AXIN1: variants seen among roughly 807,000 people sequenced by gnomAD.
AXIN1 encodes axin-1.
In AXIN1, 30 loss-of-function variants were observed where a neutral mutation model predicts 76.4. That is an observed-to-expected ratio of 0.39 (90% CI 0.29 to 0.53). AXIN1 has a LOEUF of 0.53. Among genes scored for constraint, AXIN1 ranks in the 20% least tolerant of loss-of-function variants. The pLI is 0.66. For synonymous variants in AXIN1, 545 were observed against 501.4 expected (o/e 1.09, Z -1.16); for missense variants, 1,140 against 1,198.8 (o/e 0.95, Z 0.72).
intron 10 of AXIN1, 35 bp downstream of exon 10, chr16:289,405 G>A (rs201492076): frequency 2.7e-5 from 43 of 1,611,766 alleles, no homozygotes; most frequent in East Asian, 8.9e-5. Flanking sequence ...CCACATACTC[G>A]TGCGGGGAGG....
chr16:350,196 C>T (rs1037979623), intron 1 of AXIN1, among the ~76,000 whole-genome samples: 3 of 152,176 alleles, frequency 2.0e-5, no homozygotes, highest in South Asian at 4.1e-4. Flanking sequence ...TTTTTGGTGT[C>T]CCTGGAAGCA....
rs565808005 is a variant in AXIN1, at chr16:303,542, G to A, written c.1254+762C>T. The stretch of plus-strand genomic sequence containing the variant: ...GATTACAGGCACCTGACACCAACCC[G>A]GCTAATTTTTGTATTTTTCATTAGA... On this transcript the variant is annotated intron_variant, in intron 5 of 10. Transcript: ENST00000262320. 2.6e-5 allele frequency among the ~76,000 whole-genome samples: 4 copies of A among 151,994 alleles called. No homozygotes were observed. The South Asian group carries it at 8.3e-4, about 32-fold the overall frequency.
intron 2 of AXIN1, among the ~76,000 whole-genome samples, chr16:324,698 G>A (rs1340607924): frequency 6.6e-6 from 1 of 152,202 alleles, no homozygotes; most frequent in Non-Finnish European, 1.5e-5. Context: ...AGGAGGAGGA[G>A]GGGCACCCCA....
At chr16:306,128 CAT>C (rs1327434710) in intron 4 of AXIN1, among the ~76,000 whole-genome samples, 1 of 152,124 alleles carries the variant, frequency 6.6e-6, no homozygotes, top group Non-Finnish European at 1.5e-5. Flanking sequence ...CGTACACACA[CAT>C]GCCCACACAT....
In AXIN1 at chr16:346,140, G is replaced by A. The variant is rs375752531; in HGVS notation, c.878+8C>T. ...GTACAGAAAGTGGACGCCTGGCGTC[G>A]GACTCACCTGAACTCTCTGCCTTCG... On this transcript the variant is annotated splice_region_variant and intron_variant, in intron 2 of 10. Transcript: ENST00000262320. 239 of 1,612,746 alleles carry A rather than the reference G, an allele frequency of 1.5e-4. No homozygotes were observed. The highest frequency in any genetic ancestry group is 2.4e-4 in the South Asian group (22 of 91,068).
At chr16:301,730 A>T (rs1415921179) in intron 5 of AXIN1, among the ~76,000 whole-genome samples, 1 of 152,178 alleles carries the variant, frequency 6.6e-6, no homozygotes, top group Non-Finnish European at 1.5e-5. Context: ...AAAATTACAG[A>T]CGGCCAACAT....
At chr16:321,659 G>A (rs781124732) in intron 2 of AXIN1, among the ~76,000 whole-genome samples, 7 of 149,790 alleles carry the variant, frequency 4.7e-5, no homozygotes, top group Non-Finnish European at 8.9e-5. Context: ...TCCAACCCAC[G>A]AAGGGTTAAA....
intron 7 of AXIN1, among the ~76,000 whole-genome samples, chr16:296,194 G>A (rs1460816013): frequency 3.3e-5 from 5 of 152,252 alleles, no homozygotes; most frequent in Non-Finnish European, 7.3e-5. Context: ...AGCACCGATG[G>A]GGACCCCAAG....
chr16:326,367 A>T (rs2053579732), intron 2 of AXIN1, among the ~76,000 whole-genome samples: 1 of 101,518 alleles, frequency 9.9e-6, no homozygotes, highest in African/African-American at 5.4e-5. Flanking sequence ...AAAAAAAAAA[A>T]AAAAAATATA....
At chr16:341,036 C>A (rs937036256) in intron 2 of AXIN1, among the ~76,000 whole-genome samples, 1 of 152,364 alleles carries the variant, frequency 6.6e-6, no homozygotes, top group East Asian at 1.9e-4. Context: ...GGTCAGCACC[C>A]GAGGGCTGGC....
At chr16:309,757 A>C (rs1331637352) in intron 4 of AXIN1, among the ~76,000 whole-genome samples, 1 of 152,192 alleles carries the variant, frequency 6.6e-6, no homozygotes, top group Non-Finnish European at 1.5e-5. Context: ...CTGAATGAAC[A>C]GCTCCCTCTG....
chr16:315,031 C>T (rs540763456), intron 2 of AXIN1, among the ~76,000 whole-genome samples: 4 of 152,314 alleles, frequency 2.6e-5, no homozygotes, highest in South Asian at 4.1e-4. Context: ...CTGCAGTGCG[C>T]GTCGGGAGAG....
intron 2 of AXIN1, among the ~76,000 whole-genome samples, chr16:322,282 C>T (rs563536985): frequency 2.6e-5 from 4 of 152,298 alleles, no homozygotes; most frequent in African/African-American, 9.6e-5. Context: ...ATGGCGCACA[C>T]CCCAGGCTCC....
intron 2 of AXIN1, among the ~76,000 whole-genome samples, chr16:326,438 C>T (rs1438008312): frequency 1.4e-5 from 2 of 146,230 alleles, no homozygotes; most frequent in Non-Finnish European, 3.0e-5. Flanking sequence ...CCAAAGGTCA[C>T]AAAGTTTATA....
chr16:325,713 C>T (rs2053566271), intron 2 of AXIN1, among the ~76,000 whole-genome samples: 1 of 152,216 alleles, frequency 6.6e-6, no homozygotes, highest in Non-Finnish European at 1.5e-5. Context: ...CAGGCTCCAG[C>T]CCTGAGAAGA....
At chr16:310,161 G>C in intron 3 of AXIN1, 92 bp from the exon 4 acceptor site, 2 of 1,208,544 alleles carry the variant, frequency 1.7e-6, no homozygotes, top group African/African-American at 1.5e-5. Context: ...CCGCCGGTCA[G>C]CAGGCAATGA....
At chr16:336,973 C>T (rs921285976) in intron 2 of AXIN1, among the ~76,000 whole-genome samples, 1 of 151,246 alleles carries the variant, frequency 6.6e-6, no homozygotes, top group African/African-American at 2.4e-5. Flanking sequence ...CACGGTGAAA[C>T]CCCGTCTCTA....
intron 2 of AXIN1, among the ~76,000 whole-genome samples, chr16:323,080 G>A (rs1181371279): frequency 6.6e-6 from 1 of 152,120 alleles, no homozygotes; most frequent in East Asian, 1.9e-4. Flanking sequence ...TTAAGCCCAG[G>A]AGTTCGAGAC....
At chr16:329,913 G>A (rs1383046224) in intron 2 of AXIN1, among the ~76,000 whole-genome samples, 4 of 151,816 alleles carry the variant, frequency 2.6e-5, no homozygotes, top group Non-Finnish European at 4.4e-5. Context: ...GATAACAGGC[G>A]TGAGCCACCG....
Sources: gnomAD v4.1 joint callset for allele counts (sites outside exome capture counted in the v4.1 genomes callset) on GRCh38, gnomAD v4.1.1 for gene constraint, MANE v1.5 for transcripts, NCBI Gene and HGNC (gene_info 2026-07-23, HGNC 2026-07-21) for gene names.